The following ACTN4 variants were observed in gnomAD, a reference collection of about 807,000 sequenced individuals.
The protein encoded by ACTN4 is alpha-actinin-4.
A neutral mutation model predicts 114.2 loss-of-function variants in ACTN4; 18 were observed. The observed-to-expected ratio is 0.16, with a 90% CI of 0.11 to 0.23. ACTN4 has a LOEUF of 0.23. Among genes scored for constraint, ACTN4 ranks in the 10% least tolerant of loss-of-function variants. ACTN4 has a pLI of 1.00. For missense variants in ACTN4, 722 were observed against 1,262.9 expected, an observed-to-expected ratio of 0.57 and a Z score of 6.49; for synonymous variants, 515 against 506.3, an observed-to-expected ratio of 1.02 and a Z score of -0.23.
In ACTN4 at chr19:38,708,206, C is replaced by G. The variant is rs1390768348; in HGVS notation, c.651+11C>G. 1.2e-6 allele frequency: 2 copies of G among 1,613,834 alleles called. No individual in the cohort carries two copies. On this transcript the variant is annotated intron_variant, in intron 6 of 20. Coordinates refer to ENST00000252699, the MANE Select transcript of ACTN4 (RefSeq NM_004924.6). ...GACAAGCTGAGGAAGGTGAGTGTCT[C>G]CAGCTCCCCTTGATGGCCCACAGAC...
In ACTN4 at chr19:38,717,950, C is replaced by G. The variant is rs772186055; in HGVS notation, c.1167C>G (p.His389Gln). Residue 389 changes from histidine to glutamine, a missense_variant, in exon 11 of 21, where the codon CAC becomes CAG. His to Gln is a conservative substitution (Grantham distance 24). This residue lies in a region of ACTN4 where 523 missense variants were observed against 875.9 expected (regional missense o/e 0.60). Coordinates refer to ENST00000252699, the MANE Select transcript of ACTN4 (RefSeq NM_004924.6). The surrounding 1 kb of genome is among the most constrained non-coding windows in gnomAD (Gnocchi z 4.0). ...AGGACATCAACAATGGCTGGCAGCA[C>G]TTGGAGCAGGCTGAGAAGGGCTACG... ...MVSDINNGWQ[H>Q]LEQAEKGYEE... The G allele has an allele frequency of 3.5e-5, 56 of 1,605,470 alleles. No individual in the cohort carries two copies.
intron 11 of ACTN4, 82 bp from the exon 12 acceptor site, chr19:38,721,456 C>T (rs930212166): frequency 9.1e-6 from 14 of 1,536,104 alleles, no homozygotes; most frequent in African/African-American, 2.7e-5. Flanking sequence ...CTCTCTTTCC[C>T]TCCCTCTGCT....
chr19:38,696,486 G>A (rs989064801), intron 1 of ACTN4, among the ~76,000 whole-genome samples: 2 of 152,124 alleles, frequency 1.3e-5, no homozygotes, highest in African/African-American at 4.8e-5. Context: ...GTAGGGAGAG[G>A]AAGGATGGAA....
In ACTN4 at chr19:38,729,780, T is replaced by C. The variant is rs8112979; in HGVS notation, c.*348T>C. The C allele has an allele frequency of 2.3e-3, 1,126 of 483,454 alleles. 7 individuals are homozygous for C. The highest frequency in any genetic ancestry group is 0.02 in the African/African-American group (1,038 of 51,430). 29.9% of individuals were successfully genotyped at this position (483,454 alleles called of 1,614,324 possible). On this transcript the variant is annotated 3_prime_UTR_variant, in exon 21 of 21. Coordinates refer to ENST00000252699, the MANE Select transcript of ACTN4 (RefSeq NM_004924.6). Reference sequence around the variant, plus strand: ...CTCACCACACCCAGGTCTCTTCCTTTGCTCTGAGGTCCCTTCAAGGCCTCC... The same window carrying C: ...CTCACCACACCCAGGTCTCTTCCTTCGCTCTGAGGTCCCTTCAAGGCCTCC...
chr19:38,686,655 G>A (rs1464499452), intron 1 of ACTN4, among the ~76,000 whole-genome samples: 1 of 152,212 alleles, frequency 6.6e-6, no homozygotes, highest in African/African-American at 2.4e-5. Context: ...GCTGAGCACT[G>A]CCTCCCGCTC....
intron 1 of ACTN4, among the ~76,000 whole-genome samples, chr19:38,675,699 T>A (rs939627012): frequency 6.6e-6 from 1 of 152,164 alleles, no homozygotes; most frequent in African/African-American, 2.4e-5. Flanking sequence ...TGAGCAGAGG[T>A]TTCAGCCTCT....
chr19:38,728,171 G>A, intron 19 of ACTN4, 145 bp downstream of exon 19: 11 of 1,298,666 alleles, frequency 8.5e-6, no homozygotes, highest in Non-Finnish European at 1.1e-5. Context: ...CATCTCCCTG[G>A]ACCCCTTCCC....
chr19:38,658,796 G>C (rs879495845), intron 1 of ACTN4, among the ~76,000 whole-genome samples: 2 of 152,122 alleles, frequency 1.3e-5, no homozygotes, highest in African/African-American at 2.4e-5. Flanking sequence ...GTATCCAGAC[G>C]GTAAACATCA....
chr19:38,706,863 G>A (rs1438702630), intron 5 of ACTN4, among the ~76,000 whole-genome samples: 2 of 152,222 alleles, frequency 1.3e-5, no homozygotes, highest in Admixed American at 1.3e-4. Context: ...CAGGGTGAGC[G>A]GGAGATGAGA....
chr19:38,690,753 G>A (rs184543306), intron 1 of ACTN4, among the ~76,000 whole-genome samples: 22 of 152,336 alleles, frequency 1.4e-4, no homozygotes, highest in Non-Finnish European at 2.8e-4. Flanking sequence ...TCTGGAATTA[G>A]TGGTGATTGT....
rs189577008 is a variant in ACTN4 at position 38,729,424 on chromosome 19, G to A, written c.2728G>A (p.Asp910Asn). 6.2e-6 allele frequency: 10 copies of A among 1,612,706 alleles called. No homozygotes were observed. Among genetic ancestry groups the A allele is most frequent in the East Asian group, 2.2e-5 (1 of 44,870 alleles). ...CTCCACGGCCTTGTATGGCGAGAGC[G>A]ACCTGTGAGGCCCCAGAGACCTGAC... ...SFSTALYGESDL is the reference protein window; with the variant it reads ...SFSTALYGESNL Residue 910 changes from aspartate (D) to asparagine (N), a missense_variant, in exon 21 of 21, where the codon GAC becomes AAC. Transcript: ENST00000252699.
chr19:38,723,810 C>T (rs555140518), intron 13 of ACTN4, 88 bp downstream of exon 13: 12 of 1,441,400 alleles, frequency 8.3e-6, no homozygotes, highest in African/African-American at 5.6e-5. Context: ...CCTGTGAGCT[C>T]CCCCCACCTC....
intron 3 of ACTN4, among the ~76,000 whole-genome samples, chr19:38,702,628 G>C (rs767779788): frequency 1.2e-4 from 19 of 152,164 alleles, no homozygotes; most frequent in African/African-American, 4.1e-4. Flanking sequence ...CCTGAGGCTC[G>C]AGCTGCCTCG....
At chr19:38,692,622 G>T (rs1195774979) in intron 1 of ACTN4, among the ~76,000 whole-genome samples, 1 of 152,220 alleles carries the variant, frequency 6.6e-6, no homozygotes, top group Non-Finnish European at 1.5e-5. Flanking sequence ...AAGCCCATGG[G>T]CTGGGGAGCC....
chr19:38,715,170 G>T (rs1284212295), intron 9 of ACTN4, among the ~76,000 whole-genome samples: 1 of 152,194 alleles, frequency 6.6e-6, no homozygotes, highest in Non-Finnish European at 1.5e-5. Context: ...AACTCTTCTG[G>T]AGGCTCTTCA....
chr19:38,708,291 T>TCCAGATCTGCGTGCAGAAC, intron 6 of ACTN4, 96 bp downstream of exon 6: 6 of 1,387,682 alleles, frequency 4.3e-6, no homozygotes, highest in Non-Finnish European at 6.1e-6. Context: ...ATCGCCAGCC[T>TCCAGATCTGCGTGCAGAAC]CCAGATCTGG....
intron 1 of ACTN4, among the ~76,000 whole-genome samples, chr19:38,695,995 C>T (rs1191395093): frequency 6.6e-6 from 1 of 152,120 alleles, no homozygotes; most frequent in East Asian, 1.9e-4. Context: ...ACCTCTCAGG[C>T]CCTCCGTTTC....
At chr19:38,655,384 G>A (rs1976684191) in intron 1 of ACTN4, among the ~76,000 whole-genome samples, 1 of 152,186 alleles carries the variant, frequency 6.6e-6, no homozygotes, top group Admixed American at 6.5e-5. Flanking sequence ...GCACCAAGCA[G>A]AGACTTTCTC....
Position 38,701,235 on chromosome 19 carries a change from C to CT in ACTN4, c.397+115dup, listed in dbSNP as rs1968265636. ...TGTTGGTGGCAGGGCGCTTGGGGCACTCAGAGCCCCAGTACATACTCAGCA... is the reference window on the plus strand; with the variant it reads ...TGTTGGTGGCAGGGCGCTTGGGGCACTTCAGAGCCCCAGTACATACTCAGCA... On this transcript the variant is annotated intron_variant, in intron 3 of 20. Transcript: ENST00000252699. The CT allele has an allele frequency of 2.6e-6, 4 of 1,534,750 alleles. No individual in the cohort carries two copies. The South Asian group carries it at 4.8e-5, about 18-fold the overall frequency.
Sources: gnomAD v4.1 joint callset for allele counts (sites outside exome capture counted in the v4.1 genomes callset) on GRCh38, gnomAD v4.1.1 for gene constraint, gnomAD v4.1.1 regional missense constraint, Gnocchi (gnomAD v3.1) non-coding constraint, MANE v1.5 for transcripts, NCBI Gene and HGNC (gene_info 2026-07-23, HGNC 2026-07-21) for gene names.